Variants in MTMR3 observed in about 807,000 individuals in gnomAD.
The protein encoded by MTMR3 is myotubularin related protein 3.
MTMR3 carries 32 observed loss-of-function variants against 132.4 expected under a neutral mutation model. The ratio of observed to expected loss-of-function variants is 0.24; its 90% confidence interval spans 0.18 to 0.32. The LOEUF (loss-of-function observed/expected upper bound fraction) is 0.32, where lower values mean the gene tolerates loss of function less well. MTMR3 is among the 10% of genes least tolerant of loss of function. MTMR3 has a pLI of 1.00. For synonymous variants in MTMR3, 556 were observed against 550.3 expected, an observed-to-expected ratio of 1.01 and a Z score of -0.14; for missense variants, 1,216 against 1,489.6, an observed-to-expected ratio of 0.82 and a Z score of 3.02.
At chr22:29,888,395 T>C (rs899691123) in intron 1 of MTMR3, among the ~76,000 whole-genome samples, 15 of 152,094 alleles carry the variant, frequency 9.9e-5, no homozygotes, top group Non-Finnish European at 1.8e-4. Context: ...TTGTCGTCGT[T>C]GTTTGGGGAC....
intron 1 of MTMR3, among the ~76,000 whole-genome samples, chr22:29,950,705 A>G (rs527377433): frequency 2.8e-4 from 40 of 141,326 alleles, no homozygotes; most frequent in Admixed American, 2.4e-3. Context: ...ATGCTGCCTT[A>G]TAAAATTAGA....
At chr22:29,927,038 A>C (rs370422369) in intron 1 of MTMR3, among the ~76,000 whole-genome samples, 122 of 152,226 alleles carry the variant, frequency 8.0e-4, no homozygotes, top group African/African-American at 2.7e-3. Flanking sequence ...GTTCTTATTT[A>C]ATTCTTTGGT....
At chr22:29,896,506 C>T (rs554602923) in intron 1 of MTMR3, among the ~76,000 whole-genome samples, 76 of 152,230 alleles carry the variant, frequency 5.0e-4, no homozygotes, top group South Asian at 3.7e-3. Context: ...TCAAGGCTCT[C>T]GTCTCCTTTG....
At chr22:29,890,211 T>G (rs1289585378) in intron 1 of MTMR3, among the ~76,000 whole-genome samples, 1 of 151,786 alleles carries the variant, frequency 6.6e-6, no homozygotes, top group African/African-American at 2.4e-5. Context: ...TGGCCCAGGA[T>G]AAATTCTTAA....
intron 1 of MTMR3, among the ~76,000 whole-genome samples, chr22:29,950,872 G>A (rs2066064138): frequency 7.3e-6 from 1 of 137,246 alleles, no homozygotes; most frequent in Non-Finnish European, 1.8e-5. Context: ...TATAAAGTGG[G>A]CCGGGCGCAG....
chr22:29,943,937 C>T (rs1027559090), intron 1 of MTMR3, among the ~76,000 whole-genome samples: 1 of 152,080 alleles, frequency 6.6e-6, no homozygotes, highest in African/African-American at 2.4e-5. Flanking sequence ...CATTCTCCCA[C>T]CTCAGCTGCC....
At chr22:29,986,498 G>GTT (rs1216890571) in intron 5 of MTMR3, 4 of 746,186 alleles carry the variant, frequency 5.4e-6, no homozygotes, top group African/African-American at 4.0e-5. Context: ...TTGTAGGTTT[G>GTT]TTTGTTTTTT....
chr22:29,984,935 CA>C (rs1391192689), intron 5 of MTMR3: 1 of 152,206 alleles, frequency 6.6e-6, no homozygotes, highest in Non-Finnish European at 1.5e-5. Context: ...GGAGGACAGA[CA>C]TGGATCCTGG....
chr22:30,002,771 G>A, intron 8 of MTMR3, 109 bp from the exon 9 acceptor site: 1 of 790,490 alleles, frequency 1.3e-6, no homozygotes, highest in Non-Finnish European at 2.1e-6. Context: ...TTCTGTGGCA[G>A]TGAGATCATC....
rs139095857 is a variant in MTMR3 at position 29,951,521 on chromosome 22, A to G, written c.-137-5515A>G. On this transcript the variant is annotated intron_variant, in intron 1 of 19. Transcript: ENST00000401950. The stretch of plus-strand genomic sequence containing the variant: ...AGCAATAAGGTGCATGTGAAATGCA[A>G]CCAGCCTGTTGTCTAAAAATGTTAG... Among the ~76,000 whole-genome samples the G allele has an allele frequency of 2.6e-3, 401 of 152,312 alleles. 3 individuals carry two copies. The highest frequency in any genetic ancestry group is 9.2e-3 in the African/African-American group (381 of 41,564).
chr22:29,967,917 C>G (rs901047339), intron 2 of MTMR3, among the ~76,000 whole-genome samples: 4 of 148,342 alleles, frequency 2.7e-5, no homozygotes, highest in Admixed American at 2.7e-4. Flanking sequence ...ATTATATATA[C>G]TGTGTGTGTG....
At chr22:29,988,365 C>A in intron 5 of MTMR3, 115 bp from the exon 6 acceptor site, 3 of 625,242 alleles carry the variant, frequency 4.8e-6, no homozygotes, top group Non-Finnish European at 5.3e-6. Flanking sequence ...GTTTGCAGTT[C>A]TATTTTTGTT....
chr22:29,944,036 C>T (rs544174470), intron 1 of MTMR3, among the ~76,000 whole-genome samples: 1 of 151,790 alleles, frequency 6.6e-6, no homozygotes, highest in Non-Finnish European at 1.5e-5. Flanking sequence ...CTAGGCTGTT[C>T]TCGAACTTGT....
chr22:29,987,840 T>C (rs1053073820), intron 5 of MTMR3: 1 of 152,206 alleles, frequency 6.6e-6, no homozygotes, highest in South Asian at 2.1e-4. Context: ...ATAGTTATTA[T>C]AGCTTTAGCA....
intron 15 of MTMR3, chr22:30,017,083 T>G: frequency 5.7e-6 from 1 of 176,102 alleles, no homozygotes; most frequent in Non-Finnish European, 1.2e-5. Flanking sequence ...ACCCTCCCAG[T>G]GTCAATAAGC....
rs764634372 is a variant in MTMR3, at chr22:29,988,480, G to C, written c.211G>C (p.Val71Leu). The stretch of plus-strand genomic sequence containing the variant: ...GGACTTCATTTTTTTAAAATTGCAG[G>C]TTCCATTACAGCTTATAGAAAGTGT... ...HIKFKESLVNVPLQLIESVEC... is the reference protein window; with the variant it reads ...HIKFKESLVNLPLQLIESVEC... The change falls in exon 6 of 20, where the codon GTT (valine) becomes CTT (leucine). Residue 71 changes from valine (V) to leucine (L), a missense_variant and splice_region_variant. Val to Leu is a conservative substitution (Grantham distance 32). Around this residue, in one of 7 missense-constraint regions of MTMR3, gnomAD observed 81 missense variants for 87.7 expected, o/e 0.92. Coordinates refer to ENST00000401950, the MANE Select transcript of MTMR3 (RefSeq NM_021090.4). The C allele has an allele frequency of 6.2e-7, 1 of 1,608,390 alleles. No homozygotes were observed. Among genetic ancestry groups the C allele is most frequent in the Non-Finnish European group, 8.5e-7 (1 of 1,176,896 alleles).
At chr22:29,939,706 C>T (rs1414733869) in intron 1 of MTMR3, among the ~76,000 whole-genome samples, 1 of 152,124 alleles carries the variant, frequency 6.6e-6, no homozygotes, top group Non-Finnish European at 1.5e-5. Flanking sequence ...AGATTGGGAA[C>T]ATTCAGGGTG....
In MTMR3 at chr22:30,019,582, G is replaced by A; in HGVS notation, c.1923G>A (p.Trp641Ter). ...GCGACCCCAGCCTGAACGAGAAGTG[G>A]CAGGAGCACCGGCGCTCACTAGAGC... ...RCSDPSLNEK[W>*]QEHRRSLELS... Residue 641 changes from tryptophan to a stop codon, truncating the protein, a stop_gained, in exon 17 of 20, where the codon TGG becomes TGA. Coordinates refer to ENST00000401950, the MANE Select transcript of MTMR3 (RefSeq NM_021090.4). LOFTEE classifies it high-confidence loss of function. 1 of 1,613,890 alleles carries A rather than the reference G, an allele frequency of 6.2e-7. No individual in the cohort carries two copies. The highest frequency in any genetic ancestry group is 8.5e-7 in the Non-Finnish European group (1 of 1,180,038).
chr22:29,960,540 TAC>T (rs1270092049), intron 2 of MTMR3, among the ~76,000 whole-genome samples: 1 of 152,256 alleles, frequency 6.6e-6, no homozygotes, highest in African/African-American at 2.4e-5. Flanking sequence ...TTTAATGAAG[TAC>T]AGTCTTTATA....
Sources: allele counts gnomAD v4.1 joint callset (sites outside exome capture counted in the v4.1 genomes callset), GRCh38; gene constraint gnomAD v4.1.1; regional missense constraint gnomAD v4.1.1; transcripts MANE v1.5; gene names NCBI Gene and HGNC (gene_info 2026-07-23, HGNC 2026-07-21).